Variants in MEF2C observed in about 807,000 individuals in gnomAD.
MEF2C encodes myocyte enhancer factor 2C, also known as myocyte-specific enhancer factor 2C.
MEF2C carries 6 observed loss-of-function variants against 50.5 expected under a neutral mutation model. The observed-to-expected ratio is 0.12, with a 90% CI of 0.07 to 0.23. MEF2C has a LOEUF of 0.23. Among genes scored for constraint, MEF2C ranks in the 10% least tolerant of loss-of-function variants. The pLI, the probability that MEF2C is intolerant of heterozygous loss-of-function variation, is 1.00. For synonymous variants in MEF2C, 183 were observed against 228.0 expected (o/e 0.80, Z 1.78); for missense variants, 276 against 605.0 (o/e 0.46, Z 5.70).
At chr5:88,724,403 C>G (rs1757696553) in intron 10 of MEF2C, among the ~76,000 whole-genome samples, 1 of 152,062 alleles carries the variant, frequency 6.6e-6, no homozygotes. Context: ...AAAAGCACCA[C>G]CTACTGGCAA....
At chr5:88,855,761 TA>T (rs945802015) in intron 1 of MEF2C, among the ~76,000 whole-genome samples, 14 of 152,358 alleles carry the variant, frequency 9.2e-5, no homozygotes, top group African/African-American at 3.4e-4. Context: ...GCCATGATTG[TA>T]AGTTTCCTGA....
chr5:88,740,217 T>G (rs1427750436), intron 6 of MEF2C: 1 of 979,012 alleles, frequency 1.0e-6, no homozygotes, highest in East Asian at 1.2e-4. Context: ...GGGCTGTGTT[T>G]TGTTCAGCGA....
Position 88,763,143 on chromosome 5 carries a change from T to C in MEF2C, c.259-1815A>G, listed in dbSNP as rs374357437. On this transcript the variant is annotated intron_variant, in intron 3 of 10. Transcript: ENST00000504921. ...TGTTATAGTGGTATAATATAACAAATAAACATATGGTTACAGCTTATTATG... is the reference window on the plus strand; with the variant it reads ...TGTTATAGTGGTATAATATAACAAACAAACATATGGTTACAGCTTATTATG... Among the ~76,000 whole-genome samples, 133 of 152,306 alleles carry C rather than the reference T, an allele frequency of 8.7e-4. 1 individual carries two copies. In the South Asian group the frequency reaches 0.026, roughly 29 times the overall value.
At chr5:88,735,482 A>G in intron 6 of MEF2C, 1 of 985,304 alleles carries the variant, frequency 1.0e-6, no homozygotes, top group Non-Finnish European at 1.2e-6. Context: ...TTTCCTGATT[A>G]TAGATTATAA....
At chr5:88,874,856 T>C (rs1405359824) in intron 1 of MEF2C, among the ~76,000 whole-genome samples, 1 of 151,888 alleles carries the variant, frequency 6.6e-6, no homozygotes, top group African/African-American at 2.4e-5. Flanking sequence ...AAAAATAAAA[T>C]TAGAACAAAT....
intron 3 of MEF2C, among the ~76,000 whole-genome samples, chr5:88,790,346 T>C (rs1470212772): frequency 6.6e-6 from 1 of 152,220 alleles, no homozygotes; most frequent in Non-Finnish European, 1.5e-5. Context: ...ATCTAGATCC[T>C]TTCTACTCCA....
chr5:88,806,742 A>G lies in MEF2C; in HGVS notation c.55-1941T>C, dbSNP rs999792788. ...CAAAAATATACCAAATATATACAAA[A>G]ATATGCAAAATATATTTTGTATATA... On this transcript the variant is annotated intron_variant, in intron 2 of 10. Transcript: ENST00000504921. Among the ~76,000 whole-genome samples the G allele has an allele frequency of 2.0e-5, 3 of 152,228 alleles. No individual in the cohort carries two copies. In the East Asian group the frequency reaches 5.8e-4, roughly 29 times the overall value.
intron 1 of MEF2C, among the ~76,000 whole-genome samples, chr5:88,843,897 C>T (rs192108553): frequency 7.9e-4 from 119 of 151,568 alleles, no homozygotes; most frequent in African/African-American, 2.6e-3. Context: ...GCAACCTCTG[C>T]CTCCTGGGTT....
chr5:88,781,357 G>A (rs545714472), intron 3 of MEF2C, among the ~76,000 whole-genome samples: 1 of 152,310 alleles, frequency 6.6e-6, no homozygotes, highest in African/African-American at 2.4e-5. Context: ...TGAGCATCAT[G>A]TGCTAATGGC....
intron 1 of MEF2C, among the ~76,000 whole-genome samples, chr5:88,873,308 G>A (rs1303373195): frequency 6.6e-6 from 1 of 151,966 alleles, no homozygotes; most frequent in Non-Finnish European, 1.5e-5. Context: ...CATGGCATTG[G>A]GCTGTGATGA....
intron 1 of MEF2C, among the ~76,000 whole-genome samples, chr5:88,889,942 C>A (rs1834352725): frequency 1.3e-5 from 2 of 152,314 alleles, no homozygotes; most frequent in Middle Eastern, 3.4e-3. Flanking sequence ...TCTGGTGACG[C>A]AGGCTGCCCG....
chr5:88,896,976 GTTA>G (rs932702948), intron 1 of MEF2C, among the ~76,000 whole-genome samples: 3 of 143,132 alleles, frequency 2.1e-5, no homozygotes, highest in Non-Finnish European at 3.0e-5. Flanking sequence ...CGCACAACTG[GTTA>G]TTAACAGGAT....
chr5:88,777,715 T>G (rs1271995386), intron 3 of MEF2C, among the ~76,000 whole-genome samples: 2 of 152,022 alleles, frequency 1.3e-5, no homozygotes, highest in African/African-American at 4.8e-5. Context: ...ATCTAAAATG[T>G]TTTTCCTACT....
intron 1 of MEF2C, among the ~76,000 whole-genome samples, chr5:88,881,777 G>T (rs1201657771): frequency 6.9e-6 from 1 of 145,472 alleles, no homozygotes; most frequent in East Asian, 2.1e-4. Flanking sequence ...TTCCTTTATA[G>T]CACTTAGAAA....
chr5:88,837,349 A>G (rs139504307), intron 1 of MEF2C, among the ~76,000 whole-genome samples: 5 of 152,316 alleles, frequency 3.3e-5, no homozygotes, highest in Admixed American at 6.5e-5. Flanking sequence ...GATCAGGTGC[A>G]GAAAATTGCT....
At chr5:88,847,202 G>C (rs1561316264) in intron 1 of MEF2C, among the ~76,000 whole-genome samples, 1 of 152,186 alleles carries the variant, frequency 6.6e-6, no homozygotes, top group Non-Finnish European at 1.5e-5. Flanking sequence ...ACTGACTAGA[G>C]AGTAGCAGTC....
At chr5:88,864,769 T>A (rs1056772438) in intron 1 of MEF2C, among the ~76,000 whole-genome samples, 11 of 95,588 alleles carry the variant, frequency 1.2e-4, no homozygotes, top group African/African-American at 3.2e-4. Context: ...TTTTTCAAAT[T>A]TTTTTTTTTT....
chr5:88,780,738 A>G (rs1787562557), intron 3 of MEF2C: 2 of 980,088 alleles, frequency 2.0e-6, no homozygotes, highest in South Asian at 9.4e-5. Context: ...AATGAAATCA[A>G]TTATTTATTT....
chr5:88,766,848 T>G, intron 3 of MEF2C: 1 of 984,628 alleles, frequency 1.0e-6, no homozygotes, highest in Non-Finnish European at 1.2e-6. Flanking sequence ...AAAAAAAGCA[T>G]CAACTTAGAA....
Sources: gnomAD v4.1 joint callset for allele counts (sites outside exome capture counted in the v4.1 genomes callset) on GRCh38, gnomAD v4.1.1 for gene constraint, MANE v1.5 for transcripts, NCBI Gene and HGNC (gene_info 2026-07-23, HGNC 2026-07-21) for gene names.